The following GRID2IP variants were observed in gnomAD, a reference collection of about 807,000 sequenced individuals.
GRID2IP encodes the protein delphilin.
Under a neutral mutation model 114.3 loss-of-function variants are expected in GRID2IP, and 78 were observed. That is an observed-to-expected ratio of 0.68 (90% CI 0.57 to 0.82). The LOEUF (loss-of-function observed/expected upper bound fraction) is 0.82. GRID2IP is among the 40% of genes least tolerant of loss of function. The pLI is 0.00. For synonymous variants in GRID2IP, 809 were observed against 724.0 expected (o/e 1.12, Z -1.89); for missense variants, 1,727 against 1,678.5 (o/e 1.03, Z -0.51).
At chr7:6,504,535 C>T (rs1786519378) in intron 15 of GRID2IP, among the ~76,000 whole-genome samples, 1 of 151,808 alleles carries the variant, frequency 6.6e-6, no homozygotes, top group South Asian at 2.1e-4. Flanking sequence ...AGGGCGGGGC[C>T]TGCGAAGGAG....
rs906966209 is a variant in GRID2IP, at chr7:6,516,337, ATAAT to A, written c.1269-1812_1269-1809del. ...ATAGATATGTATATGAATATTATTA[ATAAT>A]TAGTTTGTAGCATTACTGTTTATTC... On this transcript the variant is annotated intron_variant, in intron 7 of 21. Transcript: ENST00000457091. The surrounding 1 kb of genome is among the most constrained non-coding windows in gnomAD (Gnocchi z 4.3). Among the ~76,000 whole-genome samples, 26 of 152,228 alleles carry A rather than the reference ATAAT, an allele frequency of 1.7e-4. No individual in the cohort carries two copies. Among genetic ancestry groups the A allele is most frequent in the African/African-American group, 5.8e-4 (24 of 41,548 alleles).
Position 6,526,825 on chromosome 7 carries a change from A to G in GRID2IP, c.585-56T>C. 7.0e-7 allele frequency: 1 copy of G among 1,418,762 alleles called. No individual in the cohort carries two copies. The allele number at this position is 1,418,762 out of a possible 1,614,324, so 87.9% of individuals were successfully genotyped here. A position where few individuals can be genotyped will look rare whatever the true frequency, so the allele number is the denominator to read the frequency against. On this transcript the variant is annotated intron_variant, in intron 2 of 21. Coordinates refer to ENST00000457091, the MANE Select transcript of GRID2IP (RefSeq NM_001145118.2). This position sits in a 1 kb window ranked among gnomAD's most constrained non-coding sequence, Gnocchi z 7.6. ...GTTCCCGGACCCCGGATCTCTGCAA[A>G]CCGCGGCCCGAAGGCGCGTCCTCGC... is the stretch of plus-strand genomic sequence containing the variant.
At chr7:6,537,512 G>T (rs1237774343) in intron 2 of GRID2IP, among the ~76,000 whole-genome samples, 1 of 148,852 alleles carries the variant, frequency 6.7e-6, no homozygotes, top group Non-Finnish European at 1.5e-5. Context: ...CCAGTAGCTA[G>T]GATTACAGGC....
At chr7:6,514,624 C>A in intron 7 of GRID2IP, 95 bp from the exon 8 acceptor site, 1 of 1,160,230 alleles carries the variant, frequency 8.6e-7, no homozygotes, top group Non-Finnish European at 1.2e-6. Context: ...CAAGCCACAG[C>A]GTCTGCCCTC....
intron 7 of GRID2IP, among the ~76,000 whole-genome samples, chr7:6,517,927 T>TA (rs1309045132): frequency 5.6e-5 from 8 of 141,814 alleles, no homozygotes; most frequent in Admixed American, 2.1e-4. Flanking sequence ...AATAAATAAA[T>TA]AAATAAAATA....
chr7:6,539,875 G>A lies in GRID2IP; in HGVS notation c.430-3C>T. ...TGGTCCCCCAAGATTTCATCCACCT[G>A]CAAGGAGGAGTCCTGTGAATGACCA... On this transcript the variant is annotated splice_polypyrimidine_tract_variant and splice_region_variant and intron_variant, in intron 1 of 21. Transcript: ENST00000457091. The A allele has an allele frequency of 6.5e-7, 1 of 1,550,190 alleles. No homozygotes were observed. Among genetic ancestry groups the A allele is most frequent in the South Asian group, 1.2e-5 (1 of 83,860 alleles).
At chr7:6,531,183 C>A in intron 2 of GRID2IP, 1 of 482,614 alleles carries the variant, frequency 2.1e-6, no homozygotes, top group African/African-American at 2.0e-5. Context: ...CGCGCCGCGA[C>A]TCCACGCACC....
In GRID2IP at chr7:6,521,988, A is replaced by G; in HGVS notation, c.920-31T>C. On this transcript the variant is annotated intron_variant, in intron 4 of 21. Coordinates refer to ENST00000457091, the MANE Select transcript of GRID2IP (RefSeq NM_001145118.2). The surrounding 1 kb of genome is among the most constrained non-coding windows in gnomAD (Gnocchi z 4.1). ...AGCAAGAAGAGAGGGTGTGCCGGTC[A>G]GCTGGGCAGGGTACCACTTTGAGAG... 1.3e-6 allele frequency: 2 copies of G among 1,531,682 alleles called. No individual in the cohort carries two copies. The highest frequency in any genetic ancestry group is 1.8e-6 in the Non-Finnish European group (2 of 1,129,174). The allele number at this position is 1,531,682 out of a possible 1,614,324, so 94.9% of individuals were successfully genotyped here.
chr7:6,518,919 GT>G (rs1460488242), intron 7 of GRID2IP, among the ~76,000 whole-genome samples: 1 of 146,752 alleles, frequency 6.8e-6, no homozygotes, highest in Non-Finnish European at 1.5e-5. Flanking sequence ...GTTTTTTTTT[GT>G]TTTTTTGTTT....
Position 6,508,127 on chromosome 7 carries a change from G to A in GRID2IP, c.2402C>T (p.Pro801Leu), listed in dbSNP as rs1398231328. Residue 801 changes from proline (P) to leucine (L), a missense_variant, in exon 13 of 22, where the codon CCG (proline) becomes CTG (leucine). Pro to Leu is a moderately conservative substitution (Grantham distance 98, BLOSUM62 -3). Transcript: ENST00000457091. The surrounding 1 kb of genome is among the most constrained non-coding windows in gnomAD (Gnocchi z 5.6). ...LSHPVPPPPPPPLPPPVPCAP... is the reference protein window; with the variant it reads ...LSHPVPPPPPLPLPPPVPCAP... ...ACAGGGCACGGGTGGGGGCAGGGGC[G>A]GTGGGGGTGGTGGAGGGACTGGGTG... 1.5e-5 allele frequency: 22 copies of A among 1,509,656 alleles called. No individual in the cohort carries two copies. The East Asian group carries it at 2.5e-4, about 17-fold the overall frequency. 93.5% of individuals were successfully genotyped at this position (1,509,656 alleles called of 1,614,324 possible).
chr7:6,524,726 GT>G (rs995403404), intron 4 of GRID2IP, among the ~76,000 whole-genome samples: 5 of 150,566 alleles, frequency 3.3e-5, no homozygotes, highest in African/African-American at 7.3e-5. Flanking sequence ...TCTCTCGTTT[GT>G]TTTTTTTGAG....
At chr7:6,511,952 G>A (rs763686955) in intron 8 of GRID2IP, among the ~76,000 whole-genome samples, 1 of 151,298 alleles carries the variant, frequency 6.6e-6, no homozygotes, top group African/African-American at 2.4e-5. Flanking sequence ...TTCTCATCCA[G>A]GTTGGAGTGC....
At position 6,504,964 on chromosome 7, in the gene GRID2IP, C is replaced by T. The variant is rs878873424; in HGVS notation, c.2633-94G>A. The T allele has an allele frequency of 7.2e-6, 7 of 973,944 alleles. No individual in the cohort carries two copies. In the East Asian group the frequency reaches 1.6e-4, roughly 22 times the overall value. The allele number at this position is 973,944 out of a possible 1,614,324, so 60.3% of individuals were successfully genotyped here. ...CGTGGTCACAGCCAACAGCCACTAT[C>T]CCCCTAAGCACGACCTCGACTTAAT... On this transcript the variant is annotated intron_variant, in intron 14 of 21. Coordinates refer to ENST00000457091, the MANE Select transcript of GRID2IP (RefSeq NM_001145118.2).
chr7:6,522,274 T>C (rs1429588216), intron 4 of GRID2IP, among the ~76,000 whole-genome samples: 1 of 152,142 alleles, frequency 6.6e-6, no homozygotes, highest in Non-Finnish European at 1.5e-5. Context: ...ACTCTGCACG[T>C]CTCTGATCTC....
rs1021601416 is a variant in GRID2IP, at chr7:6,507,775, T to A, written c.2544+210A>T. Among the ~76,000 whole-genome samples the A allele has an allele frequency of 1.3e-5, 2 of 152,214 alleles. No individual in the cohort carries two copies. The highest frequency in any genetic ancestry group is 4.8e-5 in the African/African-American group (2 of 41,450). ...GTGGCATTTCCAGGTGTCCCCAGTG[T>A]GTGTCTTTGGCTGAGGGACACAGAT... On this transcript the variant is annotated intron_variant, in intron 13 of 21. Transcript: ENST00000457091. This position sits in a 1 kb window ranked among gnomAD's most constrained non-coding sequence, Gnocchi z 5.3.
intron 20 of GRID2IP, among the ~76,000 whole-genome samples, 157 bp downstream of exon 20, chr7:6,501,624 G>T (rs1012080288): frequency 2.0e-5 from 3 of 152,180 alleles, no homozygotes; most frequent in Non-Finnish European, 4.4e-5. Context: ...CAACAACCCA[G>T]GATAGAGCCT....
chr7:6,503,642 T>A lies in GRID2IP; in HGVS notation c.2756A>T (p.Gln919Leu). Residue 919 changes from glutamine to leucine, a missense_variant, in exon 16 of 22, where the codon CAG (glutamine) becomes CTG (leucine). By Grantham distance (113) the Gln-to-Leu change is moderately radical. Transcript: ENST00000457091. ...CCGGGGCTCCATGCTCATCAGCACC[T>A]GGCGCAGCTCCGCGGGGCTCAGCTT... The part of the protein sequence containing the change: ...HLKLSPAELR[Q>L]VLMSMEPRRL... 2.0e-6 allele frequency: 3 copies of A among 1,519,446 alleles called. No homozygotes were observed. Among genetic ancestry groups the A allele is most frequent in the Non-Finnish European group, 2.6e-6 (3 of 1,140,254 alleles). The allele number at this position is 1,519,446 out of a possible 1,614,324, so 94.1% of individuals were successfully genotyped here.
chr7:6,536,514 G>A lies in GRID2IP; in HGVS notation c.584+3204C>T, dbSNP rs1026837525. On this transcript the variant is annotated intron_variant, in intron 2 of 21. Coordinates refer to ENST00000457091, the MANE Select transcript of GRID2IP (RefSeq NM_001145118.2). This position sits in a 1 kb window ranked among gnomAD's most constrained non-coding sequence, Gnocchi z 5.3. Reference sequence around the variant, plus strand: ...TGGGGCTGTCCCGGGGGGCAGGCGGGCTGGCCCGGGAGGGGGCAGGAACAG... The same window carrying A: ...TGGGGCTGTCCCGGGGGGCAGGCGGACTGGCCCGGGAGGGGGCAGGAACAG... Among the ~76,000 whole-genome samples the A allele has an allele frequency of 2.0e-5, 3 of 152,298 alleles. No individual in the cohort carries two copies. The highest frequency in any genetic ancestry group is 7.2e-5 in the African/African-American group (3 of 41,580).
At chr7:6,535,827 C>A (rs1202299052) in intron 2 of GRID2IP, among the ~76,000 whole-genome samples, 2 of 152,110 alleles carry the variant, frequency 1.3e-5, no homozygotes, top group Non-Finnish European at 1.5e-5. Context: ...TGCCATAGGC[C>A]AGGGCGGCAC....
Sources: allele counts gnomAD v4.1 joint callset (sites outside exome capture counted in the v4.1 genomes callset), GRCh38; gene constraint gnomAD v4.1.1; non-coding constraint Gnocchi (gnomAD v3.1); transcripts MANE v1.5; gene names NCBI Gene and HGNC (gene_info 2026-07-23, HGNC 2026-07-21).